Variants in WDR93 observed in about 807,000 individuals in gnomAD.
WDR93 encodes WD repeat domain 93.
In WDR93, 73 loss-of-function variants were observed where a neutral mutation model predicts 82.9. The observed-to-expected ratio is 0.88, with a 90% CI of 0.73 to 1.07. The LOEUF (loss-of-function observed/expected upper bound fraction) is 1.07. Ranked by LOEUF, WDR93 falls within the 50% of genes least tolerant of loss-of-function variation. The pLI is 0.00. For missense variants in WDR93, 738 were observed against 826.0 expected (o/e 0.89, Z 1.31); for synonymous variants, 283 against 300.1 (o/e 0.94, Z 0.59).
chr15:89,690,894 T>TCC, intron 1 of WDR93, 37 bp downstream of exon 1: 1 of 450,624 alleles, frequency 2.2e-6, no homozygotes, highest in Non-Finnish European at 4.0e-6. Flanking sequence ...ATGCCGGGGC[T>TCC]CCCCTCGAGT....
chr15:89,690,481 C>T (rs374243598), upstream of WDR93: 19 of 868,424 alleles, frequency 2.2e-5, no homozygotes, highest in African/African-American at 5.0e-5. Context: ...CTTCCATCTA[C>T]TAGGCTATCA....
At chr15:89,690,593 G>A (rs1407618190), upstream of WDR93, 4 of 1,551,410 alleles carry the variant, frequency 2.6e-6, no homozygotes, top group Non-Finnish European at 3.5e-6. Context: ...AGTCGGTCCC[G>A]GCCCTGGGTC....
chr15:89,734,403 C>T (rs1474262179), intron 13 of WDR93, among the ~76,000 whole-genome samples: 1 of 152,166 alleles, frequency 6.6e-6, no homozygotes, highest in African/African-American at 2.4e-5. Flanking sequence ...CGGTTTTCCT[C>T]ATGGTCTCTC....
chr15:89,730,856 A>C (rs913677003), intron 11 of WDR93, among the ~76,000 whole-genome samples: 68 of 152,214 alleles, frequency 4.5e-4, no homozygotes, highest in African/African-American at 1.6e-3. Flanking sequence ...ACTGCACTCC[A>C]GCCTGGGTGA....
chr15:89,734,384 A>AGTGCACCTCGGTTT, intron 13 of WDR93, among the ~76,000 whole-genome samples: 1 of 152,160 alleles, frequency 6.6e-6, no homozygotes, highest in Admixed American at 6.5e-5. Flanking sequence ...GTTATTGGCC[A>AGTGCACCTCGGTTT]GTGCACCTCG....
At chr15:89,693,848 G>A (rs4932139) in intron 1 of WDR93, among the ~76,000 whole-genome samples, 97,236 of 152,114 alleles carry the variant, frequency 0.64, 31,828 homozygotes, top group Non-Finnish European at 0.71. Flanking sequence ...TCTTACACAA[G>A]GAATGAGTCA....
chr15:89,738,626 C>CAAAAAAAAA (rs34617270), intron 16 of WDR93, among the ~76,000 whole-genome samples: 4 of 81,454 alleles, frequency 4.9e-5, no homozygotes, highest in African/African-American at 1.8e-4. Flanking sequence ...GACTCTGTCC[C>CAAAAAAAAA]AAAAAAAAAA....
rs1327777275 is a variant in WDR93, at chr15:89,705,482, C to T, written c.497-72C>T. The T allele has an allele frequency of 5.4e-6, 5 of 928,806 alleles. No homozygotes were observed. The East Asian group carries it at 9.6e-5, about 18-fold the overall frequency. 57.5% of individuals were successfully genotyped at this position (928,806 alleles called of 1,614,324 possible). Reference sequence around the variant, plus strand: ...CTCATGATGGTAAGTTCACAAAGTCCAATATAAAATTTCCAGTTTCTCTTC... The same window carrying T: ...CTCATGATGGTAAGTTCACAAAGTCTAATATAAAATTTCCAGTTTCTCTTC... On this transcript the variant is annotated intron_variant, in intron 3 of 16. Coordinates refer to ENST00000268130, the MANE Select transcript of WDR93 (RefSeq NM_020212.2).
chr15:89,708,043 A>G (rs979429565), intron 4 of WDR93, among the ~76,000 whole-genome samples: 1 of 152,228 alleles, frequency 6.6e-6, no homozygotes, highest in Non-Finnish European at 1.5e-5. Context: ...ATAAAAATAC[A>G]TAACTGTTTG....
chr15:89,743,261 A>G lies in WDR93; in HGVS notation c.1962-31A>G. ...TCGGGAGCTGGGGAAGTGAGAGGAG[A>G]TTCCTCTCATCACAGTTGTGTGGCC... On this transcript the variant is annotated intron_variant, in intron 16 of 16. Transcript: ENST00000268130. 2.5e-6 allele frequency: 4 copies of G among 1,597,728 alleles called. No individual in the cohort carries two copies. In the South Asian group the frequency reaches 4.4e-5, roughly 18 times the overall value.
At chr15:89,695,442 C>T (rs1445918777) in intron 1 of WDR93, among the ~76,000 whole-genome samples, 1 of 152,080 alleles carries the variant, frequency 6.6e-6, no homozygotes, top group Non-Finnish European at 1.5e-5. Flanking sequence ...CAAAGCAATC[C>T]TCTCACCTCA....
intron 12 of WDR93, among the ~76,000 whole-genome samples, chr15:89,732,615 CCA>C (rs58806438): frequency 0.038 from 5,651 of 148,020 alleles, 277 homozygotes; most frequent in African/African-American, 0.12. Flanking sequence ...TGTTGTTTGG[CCA>C]CACACACACA....
upstream of WDR93, chr15:89,690,683 C>G: frequency 7.2e-7 from 1 of 1,379,902 alleles, no homozygotes; most frequent in Non-Finnish European, 1.0e-6. Flanking sequence ...CGTGGGTCCT[C>G]TGGGGCCCGT....
intron 1 of WDR93, among the ~76,000 whole-genome samples, chr15:89,699,151 CT>C (rs1348743252): frequency 4.6e-5 from 7 of 152,246 alleles, no homozygotes; most frequent in African/African-American, 1.7e-4. Context: ...TACCCTGATC[CT>C]TTTCCTTCAG....
At chr15:89,715,180 A>G in intron 6 of WDR93, 85 bp downstream of exon 6, 1 of 1,158,248 alleles carries the variant, frequency 8.6e-7, no homozygotes, top group South Asian at 1.4e-5. Flanking sequence ...ACTTATGGTG[A>G]ATGAGGCCTC....
At chr15:89,741,033 A>G (rs1967629634) in intron 16 of WDR93, among the ~76,000 whole-genome samples, 1 of 152,004 alleles carries the variant, frequency 6.6e-6, no homozygotes, top group African/African-American at 2.4e-5. Flanking sequence ...CCAGCTACTC[A>G]GGAGGCTGAG....
chr15:89,718,980 C>A (rs185628169), intron 7 of WDR93, among the ~76,000 whole-genome samples: 3 of 152,156 alleles, frequency 2.0e-5, no homozygotes, highest in Non-Finnish European at 4.4e-5. Context: ...TTGAAAAATA[C>A]AGTTTTGTTT....
chr15:89,719,696 TTC>T (rs1966432577), intron 7 of WDR93: 1 of 152,190 alleles, frequency 6.6e-6, no homozygotes, highest in African/African-American at 2.4e-5. Flanking sequence ...CCTATTGTTT[TTC>T]TGTTTTCTAT....
Position 89,743,474 on chromosome 15 carries a change from G to GT in WDR93, c.*84dup. On this transcript the variant is annotated 3_prime_UTR_variant, in exon 17 of 17. Transcript: ENST00000268130. The stretch of plus-strand genomic sequence containing the variant: ...CCAGGACACTGAGGCCAAGAGAAAT[G>GT]TAACAGAGCCACAGCTCCACAGGCC... The GT allele has an allele frequency of 7.4e-7, 1 of 1,342,532 alleles. No individual in the cohort carries two copies. The highest frequency in any genetic ancestry group is 1.1e-6 in the Non-Finnish European group (1 of 948,422). The allele number at this position is 1,342,532 out of a possible 1,614,324, so 83.2% of individuals were successfully genotyped here. A position where few individuals can be genotyped will look rare whatever the true frequency, so the allele number is the denominator to read the frequency against.
Sources: gnomAD v4.1 joint callset for allele counts (sites outside exome capture counted in the v4.1 genomes callset) on GRCh38, gnomAD v4.1.1 for gene constraint, MANE v1.5 for transcripts, NCBI Gene and HGNC (gene_info 2026-07-23, HGNC 2026-07-21) for gene names.